The following RASSF8 variants were observed in gnomAD, a reference collection of about 807,000 sequenced individuals.
RASSF8 encodes the protein ras association domain-containing protein 8.
RASSF8 carries 22 observed loss-of-function variants against 48.5 expected under a neutral mutation model. The ratio of observed to expected loss-of-function variants is 0.45; its 90% CI spans 0.32 to 0.65. The LOEUF (loss-of-function observed/expected upper bound fraction) is 0.65. RASSF8 is among the 30% of genes least tolerant of loss of function. RASSF8 has a pLI of 0.03. For missense variants in RASSF8, 418 were observed against 489.2 expected, an observed-to-expected ratio of 0.85 and a Z score of 1.37; for synonymous variants, 127 against 171.5, an observed-to-expected ratio of 0.74 and a Z score of 2.03.
At chr12:26,004,844 G>GA (rs1313942141) in intron 2 of RASSF8, among the ~76,000 whole-genome samples, 2 of 152,022 alleles carry the variant, frequency 1.3e-5, no homozygotes, top group Non-Finnish European at 2.9e-5. Context: ...ATTGTTCATT[G>GA]AAAAAAAGTA....
intron 2 of RASSF8, among the ~76,000 whole-genome samples, chr12:26,034,691 A>G (rs1943096500): frequency 6.6e-6 from 1 of 152,194 alleles, no homozygotes. Context: ...TTTCGAAATT[A>G]AGGAACCTCC....
rs1399444612 is a variant in RASSF8, at chr12:26,065,058, G to A, written c.664G>A (p.Glu222Lys). Residue 222 changes from glutamate (E) to lysine (K), a missense_variant, in exon 4 of 6, where the codon GAG becomes AAG. Physicochemically the swap from Glu to Lys is moderately conservative, Grantham distance 56. Transcript: ENST00000689635. ...CAAAAGAAACGATGTAGAAATTGAGGAGGAAGAATTCTGGGAAAATGAATT... is the reference window on the plus strand; with the variant it reads ...CAAAAGAAACGATGTAGAAATTGAGAAGGAAGAATTCTGGGAAAATGAATT... Reference protein sequence around the residue: ...KIKRNDVEIEEEEFWENELQI... With the variant: ...KIKRNDVEIEKEEFWENELQI... 2 of 1,613,670 alleles carry A rather than the reference G, an allele frequency of 1.2e-6. No individual in the cohort carries two copies. Among genetic ancestry groups the A allele is most frequent in the East Asian group, 2.2e-5 (1 of 44,902 alleles).
chr12:26,065,463 T>C, intron 4 of RASSF8, 76 bp downstream of exon 4: 2 of 1,477,358 alleles, frequency 1.4e-6, no homozygotes, highest in East Asian at 4.6e-5. Flanking sequence ...TTCATCATTG[T>C]CAATTTTTCC....
At chr12:25,975,518 C>T (rs993192377) in intron 1 of RASSF8, among the ~76,000 whole-genome samples, 2 of 152,172 alleles carry the variant, frequency 1.3e-5, no homozygotes, top group African/African-American at 2.4e-5. Flanking sequence ...TGCTCAGTGT[C>T]TTCCAGTGTA....
intron 1 of RASSF8, among the ~76,000 whole-genome samples, chr12:25,967,797 G>C (rs999280404): frequency 1.3e-5 from 2 of 152,218 alleles, no homozygotes; most frequent in African/African-American, 4.8e-5. Context: ...ACAGGCCTCT[G>C]CTCTCTGGGG....
chr12:25,980,412 A>G (rs1179427549), intron 1 of RASSF8, among the ~76,000 whole-genome samples: 2 of 152,226 alleles, frequency 1.3e-5, no homozygotes, highest in Admixed American at 6.5e-5. Context: ...TGTTTTCTGC[A>G]TGGGGTAGGA....
At chr12:26,033,357 T>C (rs1279722459) in intron 2 of RASSF8, among the ~76,000 whole-genome samples, 1 of 152,218 alleles carries the variant, frequency 6.6e-6, no homozygotes, top group African/African-American at 2.4e-5. Context: ...CACAAATTGT[T>C]TTATAGCATG....
chr12:25,995,461 A>G (rs1455196817), intron 2 of RASSF8, among the ~76,000 whole-genome samples: 2 of 152,204 alleles, frequency 1.3e-5, no homozygotes. Flanking sequence ...CTTTCTGAGC[A>G]CTATTCTACT....
intron 2 of RASSF8, among the ~76,000 whole-genome samples, chr12:26,022,187 A>C (rs546616026): frequency 6.6e-6 from 1 of 152,208 alleles, no homozygotes; most frequent in Non-Finnish European, 1.5e-5. Context: ...GCGGGATACC[A>C]GATGAGGCAA....
At position 26,000,451 on chromosome 12, in the gene RASSF8, TATTC is replaced by T. The variant is rs1942228774; in HGVS notation, c.-109+5323_-109+5326del. On this transcript the variant is annotated intron_variant, in intron 2 of 5. Coordinates refer to ENST00000689635, the MANE Select transcript of RASSF8 (RefSeq NM_001394098.1). Reference sequence around the variant, plus strand: ...CAAAAAGGCAGTCACCTGGGGAAAATATTCAAGTCATGTATTCAAATTTTTTTCT... The same window carrying T: ...CAAAAAGGCAGTCACCTGGGGAAAATAAGTCATGTATTCAAATTTTTTTCT... 2.0e-5 allele frequency among the ~76,000 whole-genome samples: 3 copies of T among 152,232 alleles called. No individual in the cohort carries two copies. In the East Asian group the frequency reaches 5.8e-4, roughly 29 times the overall value.
intron 2 of RASSF8, among the ~76,000 whole-genome samples, chr12:26,009,333 A>G (rs1205305638): frequency 6.6e-6 from 1 of 152,188 alleles, no homozygotes; most frequent in Non-Finnish European, 1.5e-5. Context: ...ATTTCTAAGT[A>G]GTGTTTCTAG....
At position 26,072,516 on chromosome 12, in the gene RASSF8, G is replaced by C; in HGVS notation, c.*3698G>C. The C allele has an allele frequency of 1.0e-6, 1 of 974,244 alleles. No individual in the cohort carries two copies. The highest frequency in any genetic ancestry group is 1.2e-6 in the Non-Finnish European group (1 of 819,910). 60.3% of individuals were successfully genotyped at this position (974,244 alleles called of 1,614,324 possible). A position where few individuals can be genotyped will look rare whatever the true frequency, so the allele number is the denominator to read the frequency against. On this transcript the variant is annotated 3_prime_UTR_variant, in exon 6 of 6. Coordinates refer to ENST00000689635, the MANE Select transcript of RASSF8 (RefSeq NM_001394098.1). ...CCAGCAGAAATATAAAGGCAATAAA[G>C]TATATACATATATATGGGGGGAGGG...
chr12:26,057,786 T>C (rs942281366), intron 3 of RASSF8, among the ~76,000 whole-genome samples: 2 of 152,194 alleles, frequency 1.3e-5, no homozygotes, highest in African/African-American at 4.8e-5. Context: ...CTCTCCAGCA[T>C]CTGTTGTTTC....
intron 2 of RASSF8, among the ~76,000 whole-genome samples, chr12:26,044,392 A>T (rs756502639): frequency 1.2e-4 from 18 of 152,200 alleles, no homozygotes; most frequent in Non-Finnish European, 2.5e-4. Flanking sequence ...ATATTTATGT[A>T]AGCATAGCAA....
chr12:26,070,322 T>A lies in RASSF8; in HGVS notation c.*1504T>A. ...ACTTTGGTTTAGTGAATGCTGACAA[T>A]GCTGCTCTACTTAGGTTTCCTATGA... On this transcript the variant is annotated 3_prime_UTR_variant, in exon 6 of 6. Transcript: ENST00000689635. 2.0e-6 allele frequency: 2 copies of A among 985,412 alleles called. No homozygotes were observed. The highest frequency in any genetic ancestry group is 6.1e-5 in the Admixed American group (1 of 16,288). 61.0% of individuals were successfully genotyped at this position (985,412 alleles called of 1,614,324 possible). A position where few individuals can be genotyped will look rare whatever the true frequency, so the allele number is the denominator to read the frequency against.
intron 1 of RASSF8, among the ~76,000 whole-genome samples, chr12:25,970,161 C>T (rs1376371715): frequency 6.6e-6 from 1 of 151,688 alleles, no homozygotes; most frequent in African/African-American, 2.4e-5. Context: ...AGTTCACATC[C>T]TAAGAATGTA....
At chr12:25,981,808 A>G (rs1941751357) in intron 1 of RASSF8, among the ~76,000 whole-genome samples, 1 of 152,200 alleles carries the variant, frequency 6.6e-6, no homozygotes, top group African/African-American at 2.4e-5. Context: ...TGTCAGCACT[A>G]TCGAAAGCAT....
intron 1 of RASSF8, among the ~76,000 whole-genome samples, chr12:25,992,142 G>A (rs1942029786): frequency 1.3e-5 from 2 of 152,212 alleles, no homozygotes; most frequent in African/African-American, 4.8e-5. Flanking sequence ...CAGAACCACT[G>A]TACAATCTGC....
At chr12:26,055,198 A>G (rs1381323892) in intron 2 of RASSF8, 38 bp from the exon 3 acceptor site, 3 of 647,822 alleles carry the variant, frequency 4.6e-6, no homozygotes, top group Admixed American at 2.6e-5. Context: ...AGAAATGTTG[A>G]TTCATTTTAT....
Sources: gnomAD v4.1 joint callset for allele counts (sites outside exome capture counted in the v4.1 genomes callset) on GRCh38, gnomAD v4.1.1 for gene constraint, MANE v1.5 for transcripts, NCBI Gene and HGNC (gene_info 2026-07-23, HGNC 2026-07-21) for gene names.